Variants in BCL2 observed in about 807,000 individuals in gnomAD.
The protein encoded by BCL2 is BCL2 apoptosis regulator.
In BCL2, 1 loss-of-function variant was observed where a neutral mutation model predicts 14.2. The ratio of observed to expected loss-of-function variants is 0.07; its 90% CI spans 0.02 to 0.33. The LOEUF (loss-of-function observed/expected upper bound fraction) is 0.33. BCL2 is among the 10% of genes least tolerant of loss of function. The probability of loss-of-function intolerance (pLI) is 0.99; values close to 1 mark genes in which losing one functional copy is unlikely to be tolerated. For missense variants in BCL2, 247 were observed against 305.9 expected, an observed-to-expected ratio of 0.81 and a Z score of 1.44; for synonymous variants, 151 against 137.2, an observed-to-expected ratio of 1.10 and a Z score of -0.70.
intron 2 of BCL2, among the ~76,000 whole-genome samples, chr18:63,137,950 G>A (rs1914252221): frequency 6.6e-6 from 1 of 152,160 alleles, no homozygotes; most frequent in Non-Finnish European, 1.5e-5. Context: ...GAGACCACTG[G>A]GTATGTCCTG....
rs1555697352 is a variant in BCL2 at position 63,169,336 on chromosome 18, C to CTTTCTTT, written c.586-40578_586-40577insAAAGAAA. Reference sequence around the variant, plus strand: ...CCTTCCTTCCTTCTTTCCTTTCCTTCCTTTCTTTCTTTCTTTCTTTCTTTC... The same window carrying CTTTCTTT: ...CCTTCCTTCCTTCTTTCCTTTCCTTCTTTCTTTCTTTCTTTCTTTCTTTCTTTCTTTC... On this transcript the variant is annotated intron_variant, in intron 2 of 2. Coordinates refer to ENST00000333681, the MANE Select transcript of BCL2 (RefSeq NM_000633.3). 1.0e-3 allele frequency among the ~76,000 whole-genome samples: 62 copies of CTTTCTTT among 62,092 alleles called. 2 individuals carry two copies. The highest frequency in any genetic ancestry group is 2.0e-3 in the South Asian group (3 of 1,528). 40.7% of individuals were successfully genotyped at this position (62,092 alleles called of 152,430 possible). A position where few individuals can be genotyped will look rare whatever the true frequency, so the allele number is the denominator to read the frequency against.
chr18:63,130,682 G>T (rs892731152), intron 2 of BCL2, among the ~76,000 whole-genome samples: 1 of 152,224 alleles, frequency 6.6e-6, no homozygotes, highest in African/African-American at 2.4e-5. Context: ...TATAAAATGT[G>T]CCATACTTTA....
intron 2 of BCL2, among the ~76,000 whole-genome samples, chr18:63,278,356 G>C (rs756586422): frequency 1.3e-5 from 2 of 152,192 alleles, no homozygotes; most frequent in Admixed American, 1.3e-4. Context: ...TCAAACTCAG[G>C]TCGGGCTCCC....
intron 2 of BCL2, among the ~76,000 whole-genome samples, chr18:63,160,655 A>G (rs1181921935): frequency 1.3e-5 from 2 of 152,026 alleles, no homozygotes; most frequent in Non-Finnish European, 2.9e-5. Context: ...GGCCCAGGGT[A>G]GCACATTCAG....
At chr18:63,262,444 T>G (rs1022359675) in intron 2 of BCL2, among the ~76,000 whole-genome samples, 3 of 152,116 alleles carry the variant, frequency 2.0e-5, no homozygotes, top group Non-Finnish European at 4.4e-5. Flanking sequence ...CTGTTCAGAG[T>G]AAGTGCTGGG....
In BCL2 at chr18:63,221,896, T is replaced by C. The variant is rs527791261; in HGVS notation, c.586-93137A>G. Among the ~76,000 whole-genome samples the C allele has an allele frequency of 2.6e-4, 40 of 152,328 alleles. No individual in the cohort carries two copies. The South Asian group carries it at 7.9e-3, about 30-fold the overall frequency. On this transcript the variant is annotated intron_variant, in intron 2 of 2. Transcript: ENST00000333681. The stretch of plus-strand genomic sequence containing the variant: ...CAATAAATTAATACAAACACAGTTC[T>C]AGGATCATTGAAAGTCCTTAGATCT...
At chr18:63,176,314 G>A (rs1329537210) in intron 2 of BCL2, among the ~76,000 whole-genome samples, 2 of 152,180 alleles carry the variant, frequency 1.3e-5, no homozygotes, top group African/African-American at 4.8e-5. Flanking sequence ...GAGACCCAGT[G>A]GGCCTGAGGA....
chr18:63,188,181 A>T (rs973812597), intron 2 of BCL2, among the ~76,000 whole-genome samples: 4 of 152,222 alleles, frequency 2.6e-5, no homozygotes, highest in Admixed American at 6.5e-5. Context: ...TGTCTTACCC[A>T]CAAAGACACT....
intron 2 of BCL2, among the ~76,000 whole-genome samples, chr18:63,293,512 G>A (rs1317446652): frequency 2.6e-5 from 4 of 152,206 alleles, no homozygotes; most frequent in African/African-American, 9.7e-5. Context: ...AAGAAACAGT[G>A]TATGTGTTGT....
intron 2 of BCL2, among the ~76,000 whole-genome samples, chr18:63,182,814 T>C (rs573983177): frequency 6.6e-6 from 1 of 151,520 alleles, no homozygotes; most frequent in African/African-American, 2.4e-5. Context: ...TTACAGACGG[T>C]AAATAAAACC....
chr18:63,150,517 C>G (rs1568216685), intron 2 of BCL2, among the ~76,000 whole-genome samples: 1 of 149,930 alleles, frequency 6.7e-6, no homozygotes, highest in Non-Finnish European at 1.5e-5. Context: ...GGTTGCCATT[C>G]CCCACTTTCT....
chr18:63,149,035 A>G lies in BCL2; in HGVS notation c.586-20276T>C, dbSNP rs538219612. 6.6e-6 allele frequency among the ~76,000 whole-genome samples: 1 copy of G among 152,320 alleles called. No individual in the cohort carries two copies. Among genetic ancestry groups the G allele is most frequent in the Non-Finnish European group, 1.5e-5 (1 of 68,022 alleles). On this transcript the variant is annotated intron_variant, in intron 2 of 2. Transcript: ENST00000333681. The surrounding 1 kb of genome is among the most constrained non-coding windows in gnomAD (Gnocchi z 4.2). ...CTCCCAGCTAAACGGGCCTGCCCAG[A>G]GCCACGAAGTCATAAGTGTGCATGG...
At chr18:63,154,916 C>T (rs1176456716) in intron 2 of BCL2, among the ~76,000 whole-genome samples, 1 of 152,216 alleles carries the variant, frequency 6.6e-6, no homozygotes, top group East Asian at 1.9e-4. Context: ...TTGTGTTATG[C>T]TCAAGGAAGA....
chr18:63,272,831 C>G (rs960573632), intron 2 of BCL2, among the ~76,000 whole-genome samples: 15 of 152,160 alleles, frequency 9.9e-5, no homozygotes, highest in African/African-American at 3.6e-4. Flanking sequence ...ATTCCCTTCT[C>G]TATCTGAGAC....
intron 2 of BCL2, among the ~76,000 whole-genome samples, chr18:63,185,165 T>C (rs1244091774): frequency 1.3e-5 from 2 of 152,192 alleles, no homozygotes; most frequent in African/African-American, 4.8e-5. Flanking sequence ...TGGTCAAACA[T>C]ATTCAGTGTC....
rs959289223 is a variant in BCL2 at position 63,202,342 on chromosome 18, A to G, written c.586-73583T>C. 2.0e-5 allele frequency among the ~76,000 whole-genome samples: 3 copies of G among 152,246 alleles called. No homozygotes were observed. In the East Asian group the frequency reaches 5.8e-4, roughly 29 times the overall value. On this transcript the variant is annotated intron_variant, in intron 2 of 2. Coordinates refer to ENST00000333681, the MANE Select transcript of BCL2 (RefSeq NM_000633.3). ...TAAAATATTCCTACATTCACATAACATTTGTTAGAATACTGGCAGCACAAT... is the reference window on the plus strand; with the variant it reads ...TAAAATATTCCTACATTCACATAACGTTTGTTAGAATACTGGCAGCACAAT...
rs956564561 is a variant in BCL2 at position 63,319,424 on chromosome 18, GA to G, written c.-538del. On this transcript the variant is annotated 5_prime_UTR_variant, in exon 1 of 3. Transcript: ENST00000333681. ...CCAACCGGAGATCTCAAGAGCTCGA[GA>G]AAAAAAAAAGGCAGCGGCGGCGGCA... The G allele has an allele frequency of 9.4e-4, 199 of 211,168 alleles. No individual in the cohort carries two copies. Among genetic ancestry groups the G allele is most frequent in the East Asian group, 1.2e-3 (17 of 14,064 alleles). 13.1% of individuals were successfully genotyped at this position (211,168 alleles called of 1,614,324 possible).
chr18:63,169,396 TC>T lies in BCL2; in HGVS notation c.586-40638del, dbSNP rs1480039720. Among the ~76,000 whole-genome samples, 17 of 122,688 alleles carry T rather than the reference TC, an allele frequency of 1.4e-4. 1 individual carries two copies. The highest frequency in any genetic ancestry group is 5.0e-4 in the African/African-American group (12 of 24,074). The allele number at this position is 122,688 out of a possible 152,430, so 80.5% of individuals were successfully genotyped here. A position where few individuals can be genotyped will look rare whatever the true frequency, so the allele number is the denominator to read the frequency against. Reference sequence around the variant, plus strand: ...CTTTCTTTCTTTCTTTCTTTTTCTTTCTTTCTTTTTCTTTCTCTCTCTCTCT... The same window carrying T: ...CTTTCTTTCTTTCTTTCTTTTTCTTTTTTCTTTTTCTTTCTCTCTCTCTCT... On this transcript the variant is annotated intron_variant, in intron 2 of 2. Coordinates refer to ENST00000333681, the MANE Select transcript of BCL2 (RefSeq NM_000633.3).
At chr18:63,148,808 G>A (rs1226799973) in intron 2 of BCL2, among the ~76,000 whole-genome samples, 1 of 152,064 alleles carries the variant, frequency 6.6e-6, no homozygotes, top group Non-Finnish European at 1.5e-5. Context: ...CTTCCATATA[G>A]ATCATCTAGT....
Sources: allele counts gnomAD v4.1 joint callset (sites outside exome capture counted in the v4.1 genomes callset), GRCh38; gene constraint gnomAD v4.1.1; non-coding constraint Gnocchi (gnomAD v3.1); transcripts MANE v1.5; gene names NCBI Gene and HGNC (gene_info 2026-07-23, HGNC 2026-07-21).